Variants in ACBD6 observed in about 807,000 individuals in gnomAD.
The protein encoded by ACBD6 is acyl-CoA binding domain containing 6.
Under a neutral mutation model 37.2 loss-of-function variants are expected in ACBD6, and 28 were observed. The observed-to-expected ratio is 0.75, with a 90% CI of 0.56 to 1.03. The LOEUF is 1.03. Among genes scored for constraint, ACBD6 ranks in the 50% least tolerant of loss-of-function variants. The pLI, the probability that ACBD6 is intolerant of heterozygous loss-of-function variation, is 0.00. For synonymous variants in ACBD6, 113 were observed against 126.8 expected (o/e 0.89, Z 0.73); for missense variants, 340 against 337.4 (o/e 1.01, Z -0.06).
At chr1:180,293,968 C>T (rs1249547460) in intron 7 of ACBD6, among the ~76,000 whole-genome samples, 1 of 152,026 alleles carries the variant, frequency 6.6e-6, no homozygotes, top group Non-Finnish European at 1.5e-5. Context: ...GATCTTGGCT[C>T]AGTGAAATCT....
At chr1:180,317,122 T>C (rs1341327486) in intron 6 of ACBD6, among the ~76,000 whole-genome samples, 2 of 152,122 alleles carry the variant, frequency 1.3e-5, no homozygotes, top group Admixed American at 1.3e-4. Flanking sequence ...AGCTATAAGA[T>C]AGAAGTGTGC....
intron 6 of ACBD6, among the ~76,000 whole-genome samples, chr1:180,393,585 T>C (rs917220952): frequency 6.6e-6 from 1 of 152,192 alleles, no homozygotes; most frequent in African/African-American, 2.4e-5. Context: ...AGATGAACCT[T>C]TCCTTCCATT....
chr1:180,472,810 G>A (rs888328221), intron 3 of ACBD6, among the ~76,000 whole-genome samples: 6 of 152,100 alleles, frequency 3.9e-5, no homozygotes, highest in African/African-American at 1.4e-4. Flanking sequence ...GCAAGAAACA[G>A]CATTAGTTTA....
At chr1:180,446,722 A>G (rs1387901235) in intron 3 of ACBD6, among the ~76,000 whole-genome samples, 1 of 152,174 alleles carries the variant, frequency 6.6e-6, no homozygotes. Flanking sequence ...GCAATATTTT[A>G]AAAAATCATC....
At chr1:180,314,837 T>C in intron 6 of ACBD6, 115 bp from the exon 7 acceptor site, 2 of 783,760 alleles carry the variant, frequency 2.6e-6, no homozygotes, top group Non-Finnish European at 4.4e-6. Flanking sequence ...TTTATCAGAC[T>C]TAGGAAAAGA....
At chr1:180,381,145 GGATT>G (rs2101927616) in intron 6 of ACBD6, among the ~76,000 whole-genome samples, 1 of 152,160 alleles carries the variant, frequency 6.6e-6, no homozygotes, top group East Asian at 1.9e-4. Flanking sequence ...TAATAATAAA[GGATT>G]AATTTAGAAA....
At chr1:180,440,136 T>A (rs887968489) in intron 3 of ACBD6, among the ~76,000 whole-genome samples, 2 of 152,168 alleles carry the variant, frequency 1.3e-5, no homozygotes, top group South Asian at 4.1e-4. Context: ...TTAGATGAAG[T>A]CTCACTCTGT....
chr1:180,369,412 G>T (rs932731957), intron 6 of ACBD6, among the ~76,000 whole-genome samples: 2 of 152,132 alleles, frequency 1.3e-5, no homozygotes, highest in Admixed American at 6.5e-5. Context: ...TCTATATAAA[G>T]TCCACTGCAT....
chr1:180,356,741 TTGGGAGGCTGAGG>T (rs968604595), intron 6 of ACBD6, among the ~76,000 whole-genome samples: 1 of 151,726 alleles, frequency 6.6e-6, no homozygotes, highest in Non-Finnish European at 1.5e-5. Context: ...TCTCAGCTAC[TTGGGAGGCTGAGG>T]TGGGAGGATG....
intron 6 of ACBD6, among the ~76,000 whole-genome samples, chr1:180,390,459 T>C (rs942520027): frequency 6.6e-6 from 1 of 152,038 alleles, no homozygotes; most frequent in African/African-American, 2.4e-5. Context: ...TTTGTTCTTT[T>C]GGCTTAGGAT....
chr1:180,480,577 G>A (rs989943825), intron 3 of ACBD6, among the ~76,000 whole-genome samples: 4 of 152,166 alleles, frequency 2.6e-5, no homozygotes, highest in African/African-American at 9.7e-5. Context: ...AGTCTGAAGT[G>A]CCAATGCAAC....
At chr1:180,343,019 A>G (rs1652037111) in intron 6 of ACBD6, among the ~76,000 whole-genome samples, 1 of 152,058 alleles carries the variant, frequency 6.6e-6, no homozygotes. Flanking sequence ...GTTCAAATTT[A>G]ATCAATATGA....
chr1:180,302,252 T>A (rs573407598), intron 7 of ACBD6, among the ~76,000 whole-genome samples: 6 of 152,226 alleles, frequency 3.9e-5, no homozygotes, highest in Non-Finnish European at 8.8e-5. Context: ...CTACATATAT[T>A]TTATGCATTC....
intron 6 of ACBD6, among the ~76,000 whole-genome samples, chr1:180,355,622 T>C (rs890915369): frequency 6.6e-6 from 1 of 152,174 alleles, no homozygotes; most frequent in African/African-American, 2.4e-5. Flanking sequence ...TTCTGTACTA[T>C]ATATATCTCT....
chr1:180,482,832 G>C (rs1651105236), intron 3 of ACBD6, among the ~76,000 whole-genome samples: 2 of 152,162 alleles, frequency 1.3e-5, no homozygotes, highest in Non-Finnish European at 2.9e-5. Flanking sequence ...CAAGTGAAAA[G>C]ATACTTCTAG....
chr1:180,312,419 C>T (rs1650629525), intron 7 of ACBD6, among the ~76,000 whole-genome samples: 1 of 152,054 alleles, frequency 6.6e-6, no homozygotes. Context: ...CATTCAGCAT[C>T]CCTGCTAAAT....
intron 5 of ACBD6, among the ~76,000 whole-genome samples, chr1:180,408,060 T>C (rs535048886): frequency 3.9e-5 from 6 of 152,124 alleles, no homozygotes; most frequent in South Asian, 2.1e-4. Context: ...CATAAAGAAA[T>C]CAAGTAAGAG....
exon 14 of ACBD6, chr1:180,269,854 G>A (rs891876840): frequency 6.6e-6 from 1 of 152,218 alleles, no homozygotes; most frequent in African/African-American, 2.4e-5. Flanking sequence ...TCTAAGTAGT[G>A]TAGTCTCTGT....
At chr1:180,486,092 C>A (rs1651253762) in intron 3 of ACBD6, among the ~76,000 whole-genome samples, 1 of 152,164 alleles carries the variant, frequency 6.6e-6, no homozygotes, top group South Asian at 2.1e-4. Context: ...ATAGACCAGG[C>A]CCTGACCATT....
Sources: allele counts gnomAD v4.1 joint callset (sites outside exome capture counted in the v4.1 genomes callset), GRCh38; gene constraint gnomAD v4.1.1; transcripts MANE v1.5; gene names NCBI Gene and HGNC (gene_info 2026-07-23, HGNC 2026-07-21).